The following ARAP2 variants were observed in gnomAD, a reference collection of about 807,000 sequenced individuals.
ARAP2 encodes the protein ArfGAP with RhoGAP domain, ankyrin repeat and PH domain 2.
Under a neutral mutation model 194.5 loss-of-function variants are expected in ARAP2, and 148 were observed. That is an observed-to-expected ratio of 0.76 (90% CI 0.67 to 0.87). ARAP2 has a LOEUF of 0.87. Ranked by LOEUF, ARAP2 falls within the 40% of genes least tolerant of loss-of-function variation. The pLI is 0.00. For synonymous variants in ARAP2, 695 were observed against 683.5 expected, an observed-to-expected ratio of 1.02 and a Z score of -0.26; for missense variants, 2,128 against 1,989.7, an observed-to-expected ratio of 1.07 and a Z score of -1.32.
intron 28 of ARAP2, among the ~76,000 whole-genome samples, chr4:36,089,694 C>G (rs1386462943): frequency 6.6e-6 from 1 of 151,998 alleles, no homozygotes; most frequent in Non-Finnish European, 1.5e-5. Flanking sequence ...TGATATTGAA[C>G]ACTTTTGAAT....
intron 7 of ARAP2, among the ~76,000 whole-genome samples, chr4:36,191,991 T>C (rs1022823880): frequency 6.6e-6 from 1 of 152,138 alleles, no homozygotes; most frequent in Non-Finnish European, 1.5e-5. Flanking sequence ...CCCAACCACA[T>C]GCTCCTCAAG....
chr4:36,129,576 C>T (rs1238842324), intron 20 of ARAP2, among the ~76,000 whole-genome samples: 3 of 151,720 alleles, frequency 2.0e-5, no homozygotes, highest in African/African-American at 7.3e-5. Flanking sequence ...CTTTTAACCC[C>T]CTAACTTCCA....
At chr4:36,220,026 C>T (rs919348457) in intron 2 of ARAP2, among the ~76,000 whole-genome samples, 3 of 152,124 alleles carry the variant, frequency 2.0e-5, no homozygotes, top group Admixed American at 6.6e-5. Context: ...TCCAGATTCT[C>T]GATACTTCTA....
intron 31 of ARAP2, among the ~76,000 whole-genome samples, chr4:36,077,307 G>A (rs954038276): frequency 3.3e-5 from 5 of 152,014 alleles, no homozygotes; most frequent in African/African-American, 1.2e-4. Flanking sequence ...TGAGCCCTTC[G>A]TAAATCAGAC....
intron 1 of ARAP2, among the ~76,000 whole-genome samples, chr4:36,242,869 G>A (rs931625905): frequency 6.6e-6 from 1 of 152,096 alleles, no homozygotes; most frequent in East Asian, 1.9e-4. Flanking sequence ...ATAAATCTTT[G>A]AGTACTGACA....
rs779325677 is a variant in ARAP2 at position 36,229,153 on chromosome 4, C to T, written c.334G>A (p.Val112Ile). The T allele has an allele frequency of 1.2e-6, 2 of 1,614,084 alleles. No homozygotes were observed. Among genetic ancestry groups the T allele is most frequent in the Non-Finnish European group, 1.7e-6 (2 of 1,180,018 alleles). The change falls in exon 2 of 33, where the codon GTT becomes ATT. Residue 112 changes from valine to isoleucine, a missense_variant. Transcript: ENST00000303965. ...AACTGCGGTGGGCTAGATGTCTGAA[C>T]ACTACCAGAATTGGAAAGTTCTATG... The part of the protein sequence containing the change: ...ICIELSNSGS[V>I]QTSSPPQLET...
chr4:36,178,778 T>C (rs1363526917), intron 8 of ARAP2, among the ~76,000 whole-genome samples: 1 of 152,210 alleles, frequency 6.6e-6, no homozygotes, highest in Non-Finnish European at 1.5e-5. Context: ...AGTGATTTGC[T>C]GAAGGTCATA....
intron 24 of ARAP2, among the ~76,000 whole-genome samples, chr4:36,118,746 T>A (rs889940690): frequency 1.3e-5 from 2 of 151,430 alleles, no homozygotes; most frequent in African/African-American, 4.8e-5. Flanking sequence ...CTAGATTTTT[T>A]AAGGTTAAAG....
rs535016164 is a variant in ARAP2 at position 36,151,195 on chromosome 4, G to C, written c.2753-151C>G. ...TAAAGTATATGTTATTGCTGCATGG[G>C]ATATAAAGTTGTCACATTCTCTGCT... On this transcript the variant is annotated intron_variant, in intron 15 of 32. Transcript: ENST00000303965. 38 of 704,528 alleles carry C rather than the reference G, an allele frequency of 5.4e-5. No individual in the cohort carries two copies. The Admixed American group carries it at 6.3e-4, about 12-fold the overall frequency. The allele number at this position is 704,528 out of a possible 1,614,324, so 43.6% of individuals were successfully genotyped here. A position where few individuals can be genotyped will look rare whatever the true frequency, so the allele number is the denominator to read the frequency against.
intron 6 of ARAP2, among the ~76,000 whole-genome samples, chr4:36,016,821 T>C (rs1715896332): frequency 6.6e-6 from 1 of 152,164 alleles, no homozygotes; most frequent in African/African-American, 2.4e-5. Flanking sequence ...ATGCTCCTCA[T>C]TGTATATTCT....
rs1362804192 is a variant in ARAP2 at position 36,114,269 on chromosome 4, C to T, written c.4057G>A (p.Ala1353Thr). The change falls in exon 26 of 33, where the codon GCA (alanine) becomes ACA (threonine). Residue 1353 changes from alanine to threonine, a missense_variant. Ala to Thr is a moderately conservative substitution (Grantham distance 58). Coordinates refer to ENST00000303965, the MANE Select transcript of ARAP2 (RefSeq NM_015230.4). ...AATATATCATTAGTTAATTCTTCTG[C>T]TTCCATCACAGGAGATATCTGTAAG... ...IIIRISPVME[A>T]EELTNDILAI... 1 of 1,581,438 alleles carries T rather than the reference C, an allele frequency of 6.3e-7. No homozygotes were observed. Among genetic ancestry groups the T allele is most frequent in the East Asian group, 2.3e-5 (1 of 44,294 alleles).
At chr4:36,026,688 C>A (rs1717965956) in intron 5 of ARAP2, among the ~76,000 whole-genome samples, 1 of 152,160 alleles carries the variant, frequency 6.6e-6, no homozygotes, top group Admixed American at 6.6e-5. Flanking sequence ...CAATCAAGAA[C>A]ATGTTTGACT....
At chr4:36,240,815 GAA>G (rs1753367671) in intron 1 of ARAP2, among the ~76,000 whole-genome samples, 2 of 152,150 alleles carry the variant, frequency 1.3e-5, no homozygotes, top group South Asian at 4.2e-4. Context: ...AGCACAATCT[GAA>G]AAACACAATA....
At chr4:36,148,367 T>G in intron 17 of ARAP2, 38 bp downstream of exon 17, 1 of 1,502,260 alleles carries the variant, frequency 6.7e-7, no homozygotes, top group Middle Eastern at 1.7e-4. Context: ...GTTCACAATC[T>G]TCTCTGGATT....
chr4:36,044,854 G>A (rs1270619346), intron 5 of ARAP2, among the ~76,000 whole-genome samples: 1 of 151,284 alleles, frequency 6.6e-6, no homozygotes, highest in Non-Finnish European at 1.5e-5. Context: ...CAATAACAAG[G>A]AAATAACCCT....
At chr4:36,011,695 T>G (rs138372809) in intron 9 of ARAP2, among the ~76,000 whole-genome samples, 1 of 152,284 alleles carries the variant, frequency 6.6e-6, no homozygotes, top group African/African-American at 2.4e-5. Context: ...ATTCTACATA[T>G]AGGCATTTAT....
Position 36,083,381 on chromosome 4 carries a change from T to G in ARAP2, c.4495A>C (p.Lys1499Gln), listed in dbSNP as rs1293728703. 3.1e-6 allele frequency: 5 copies of G among 1,606,396 alleles called. No homozygotes were observed. The highest frequency in any genetic ancestry group is 4.2e-6 in the Non-Finnish European group (5 of 1,176,540). Residue 1499 changes from lysine (K) to glutamine (Q), a missense_variant, in exon 29 of 33, where the codon AAG becomes CAG. By Grantham distance (53) the Lys-to-Gln change is moderately conservative. Coordinates refer to ENST00000303965, the MANE Select transcript of ARAP2 (RefSeq NM_015230.4). The stretch of plus-strand genomic sequence containing the variant: ...TTCAAACTTTACCTTGTTGGAGGCT[T>G]CATTTTCTTTTTCACTCCACGATAA... Reference protein sequence around the residue: ...KFYRGVKKKMKPPTSWGLTAY... With the variant: ...KFYRGVKKKMQPPTSWGLTAY...
At position 36,120,814 on chromosome 4, in the gene ARAP2, C is replaced by T. The variant is rs80333779; in HGVS notation, c.3894+365G>A. 5.3e-3 allele frequency among the ~76,000 whole-genome samples: 807 copies of T among 151,690 alleles called. 11 individuals are homozygous for T. The highest frequency in any genetic ancestry group is 0.019 in the African/African-American group (771 of 41,484). ...CTAAAAGAAAAAACCAAAGGGCTTT[C>T]AACTGCAGAATTTAAGAGTCTGGTA... On this transcript the variant is annotated intron_variant, in intron 23 of 32. Coordinates refer to ENST00000303965, the MANE Select transcript of ARAP2 (RefSeq NM_015230.4).
intron 2 of ARAP2, among the ~76,000 whole-genome samples, chr4:36,219,019 T>C (rs1467431869): frequency 2.0e-5 from 3 of 152,150 alleles, no homozygotes; most frequent in Non-Finnish European, 4.4e-5. Context: ...AATGCAAATG[T>C]AAACCACAAC....
Sources: allele counts gnomAD v4.1 joint callset (sites outside exome capture counted in the v4.1 genomes callset), GRCh38; gene constraint gnomAD v4.1.1; transcripts MANE v1.5; gene names NCBI Gene and HGNC (gene_info 2026-07-23, HGNC 2026-07-21).